Variants in ASIC2 observed in about 807,000 individuals in gnomAD.
ASIC2 encodes acid sensing ion channel subunit 2.
In ASIC2, 25 loss-of-function variants were observed where a neutral mutation model predicts 57.3. That is an observed-to-expected ratio of 0.44 (90% CI 0.32 to 0.61). The LOEUF (loss-of-function observed/expected upper bound fraction) is 0.61. Among genes scored for constraint, ASIC2 ranks in the 20% least tolerant of loss-of-function variants. The pLI, the probability that ASIC2 is intolerant of heterozygous loss-of-function variation, is 0.06. For missense variants in ASIC2, 641 were observed against 738.1 expected, an observed-to-expected ratio of 0.87 and a Z score of 1.52; for synonymous variants, 319 against 307.5, an observed-to-expected ratio of 1.04 and a Z score of -0.39.
intron 1 of ASIC2, among the ~76,000 whole-genome samples, chr17:33,701,635 C>T (rs1413043066): frequency 2.0e-5 from 3 of 152,188 alleles, no homozygotes; most frequent in African/African-American, 4.8e-5. Context: ...ACAGTACAGA[C>T]TCCCTCCAAG....
intron 1 of ASIC2, among the ~76,000 whole-genome samples, chr17:34,026,480 A>G (rs1907384276): frequency 6.6e-6 from 1 of 152,162 alleles, no homozygotes; most frequent in African/African-American, 2.4e-5. Flanking sequence ...CTGCACCATA[A>G]CCTGGGGAGA....
At chr17:33,798,337 T>G (rs570157447) in intron 1 of ASIC2, among the ~76,000 whole-genome samples, 1 of 152,260 alleles carries the variant, frequency 6.6e-6, no homozygotes, top group Admixed American at 6.5e-5. Flanking sequence ...GGGTAGAGAA[T>G]GTCTAAGACC....
intron 1 of ASIC2, among the ~76,000 whole-genome samples, chr17:33,613,343 T>G (rs1905475788): frequency 6.6e-6 from 1 of 151,860 alleles, no homozygotes; most frequent in African/African-American, 2.4e-5. Context: ...TCCTTGCATT[T>G]TCTTTGGGGA....
intron 3 of ASIC2, among the ~76,000 whole-genome samples, chr17:33,036,110 A>G (rs1360290379): frequency 6.6e-6 from 1 of 152,180 alleles, no homozygotes; most frequent in East Asian, 1.9e-4. Flanking sequence ...TATGATTGCT[A>G]TTTCCAGGAG....
In ASIC2 at chr17:33,074,732, C is replaced by T. The variant is rs753854145; in HGVS notation, c.987+14131G>A. Among the ~76,000 whole-genome samples, 10 of 152,334 alleles carry T rather than the reference C, an allele frequency of 6.6e-5. No homozygotes were observed. In the South Asian group the frequency reaches 8.3e-4, roughly 13 times the overall value. On this transcript the variant is annotated intron_variant, in intron 3 of 9. Coordinates refer to ENST00000225823, the MANE Select transcript of ASIC2 (RefSeq NM_183377.2). ...TCCTTTAGCAGGTTTCTTAACCTCT[C>T]AGTGCTCCAGTTGTATTTTCTGTAA... is the stretch of plus-strand genomic sequence containing the variant.
intron 1 of ASIC2, among the ~76,000 whole-genome samples, chr17:33,751,885 G>A (rs1052804535): frequency 1.3e-5 from 2 of 149,608 alleles, no homozygotes; most frequent in East Asian, 2.0e-4. Flanking sequence ...GGGAGGCTGG[G>A]AGGGAATGCT....
At chr17:33,486,091 C>T (rs1296288272) in intron 1 of ASIC2, among the ~76,000 whole-genome samples, 1 of 152,216 alleles carries the variant, frequency 6.6e-6, no homozygotes, top group Non-Finnish European at 1.5e-5. Context: ...CTTGCACTGA[C>T]TCAGACTGAC....
At chr17:33,353,884 GA>G (rs1160379020) in intron 1 of ASIC2, among the ~76,000 whole-genome samples, 10 of 152,148 alleles carry the variant, frequency 6.6e-5, no homozygotes, top group Admixed American at 1.3e-4. Flanking sequence ...GTGTATCTTA[GA>G]GTATTAGCCC....
chr17:33,230,641 G>A (rs528555003), intron 1 of ASIC2, among the ~76,000 whole-genome samples: 1 of 152,206 alleles, frequency 6.6e-6, no homozygotes, highest in East Asian at 1.9e-4. Context: ...AATCATGACT[G>A]TATGTACCAA....
chr17:33,531,653 C>G (rs1036200028), intron 1 of ASIC2, among the ~76,000 whole-genome samples: 7 of 152,182 alleles, frequency 4.6e-5, no homozygotes, highest in African/African-American at 9.7e-5. Context: ...CATACATCCA[C>G]ACACCTCCCA....
In ASIC2 at chr17:33,281,688, A is replaced by G. The variant is rs190831306; in HGVS notation, c.708+9720T>C. On this transcript the variant is annotated intron_variant, in intron 1 of 9. Transcript: ENST00000225823. ...TGCTCTTTCTGTAGCTACATGAGGA[A>G]GGAATGCATTGGTGCGAGGCAGGGT... Among the ~76,000 whole-genome samples, 355 of 152,354 alleles carry G rather than the reference A, an allele frequency of 2.3e-3. 2 individuals carry two copies. The highest frequency in any genetic ancestry group is 2.9e-3 in the Non-Finnish European group (199 of 68,026).
At chr17:33,459,541 G>A (rs1379014916) in intron 1 of ASIC2, among the ~76,000 whole-genome samples, 1 of 152,232 alleles carries the variant, frequency 6.6e-6, no homozygotes, top group Non-Finnish European at 1.5e-5. Context: ...CATTGCTGGA[G>A]CAGGGCGAGA....
chr17:33,394,114 T>C (rs368017390), intron 1 of ASIC2, among the ~76,000 whole-genome samples: 1 of 152,340 alleles, frequency 6.6e-6, no homozygotes, highest in Admixed American at 6.5e-5. Context: ...TTATGTTTTA[T>C]ATTGTTATTC....
chr17:33,976,215 T>A (rs1905380986), intron 1 of ASIC2, among the ~76,000 whole-genome samples: 1 of 151,560 alleles, frequency 6.6e-6, no homozygotes, highest in Non-Finnish European at 1.5e-5. Context: ...AACTGTTGAG[T>A]GAGTTTAACA....
rs530770567 is a variant in ASIC2, at chr17:33,319,136, A to C, written c.556-207069T>G. ...TCCCAGCTACTCAGGAGGCTGAGGCACGAGAATCACTTGAACCCGGGATGC... is the reference window on the plus strand; with the variant it reads ...TCCCAGCTACTCAGGAGGCTGAGGCCCGAGAATCACTTGAACCCGGGATGC... On this transcript the variant is annotated intron_variant, in intron 1 of 9. Transcript: ENST00000359872. Among the ~76,000 whole-genome samples, 35 of 152,340 alleles carry C rather than the reference A, an allele frequency of 2.3e-4. No homozygotes were observed. The East Asian group carries it at 6.0e-3, about 26-fold the overall frequency.
intron 1 of ASIC2, among the ~76,000 whole-genome samples, chr17:33,564,285 G>GA (rs1916166056): frequency 6.6e-6 from 1 of 152,156 alleles, no homozygotes; most frequent in Admixed American, 6.5e-5. Context: ...CCTCAATATT[G>GA]AAAAACAGAA....
At position 34,065,089 on chromosome 17, in the gene ASIC2, C is replaced by T. The variant is rs148252260; in HGVS notation, c.555+90889G>A. ...CATACTTGCATATGCATGTTTATAG[C>T]AGCACAATTCACAACTGCAAAATCA... On this transcript the variant is annotated intron_variant, in intron 1 of 9. Transcript: ENST00000359872. 4.1e-3 allele frequency among the ~76,000 whole-genome samples: 629 copies of T among 152,284 alleles called. 1 individual carries two copies. The highest frequency in any genetic ancestry group is 6.0e-3 in the African/African-American group (249 of 41,568).
At chr17:33,882,591 C>T (rs945726790) in intron 1 of ASIC2, among the ~76,000 whole-genome samples, 4 of 152,242 alleles carry the variant, frequency 2.6e-5, no homozygotes, top group African/African-American at 9.6e-5. Flanking sequence ...GAATGGCGAT[C>T]ATTAAAAAGT....
chr17:33,482,219 A>G lies in ASIC2; in HGVS notation c.556-370152T>C, dbSNP rs74739775. On this transcript the variant is annotated intron_variant, in intron 1 of 9. Coordinates refer to the ASIC2 transcript ENST00000359872. Reference sequence around the variant, plus strand: ...TTTTTCCATGTGGTTGTTGAGACTCAGCCTGCTGGGCCTCTGAAGACTCAT... The same window carrying G: ...TTTTTCCATGTGGTTGTTGAGACTCGGCCTGCTGGGCCTCTGAAGACTCAT... Among the ~76,000 whole-genome samples the G allele has an allele frequency of 7.8e-3, 1,192 of 152,326 alleles. 7 individuals carry two copies. Among genetic ancestry groups the G allele is most frequent in the Non-Finnish European group, 0.013 (854 of 68,028 alleles).
Sources: allele counts gnomAD v4.1 joint callset (sites outside exome capture counted in the v4.1 genomes callset), GRCh38; gene constraint gnomAD v4.1.1; transcripts MANE v1.5; gene names NCBI Gene and HGNC (gene_info 2026-07-23, HGNC 2026-07-21).